PDE9A: variants seen among roughly 807,000 people sequenced by gnomAD.
PDE9A encodes the protein high affinity cGMP-specific 3',5'-cyclic phosphodiesterase 9A.
In PDE9A, 60 loss-of-function variants were observed where a neutral mutation model predicts 87.4. The observed-to-expected ratio is 0.69, with a 90% CI of 0.56 to 0.85. The LOEUF is 0.85. Ranked by LOEUF, PDE9A falls within the 40% of genes least tolerant of loss-of-function variation. The pLI, the probability that PDE9A is intolerant of heterozygous loss-of-function variation, is 0.00. For synonymous variants in PDE9A, 272 were observed against 279.4 expected, an observed-to-expected ratio of 0.97 and a Z score of 0.27; for missense variants, 665 against 779.0, an observed-to-expected ratio of 0.85 and a Z score of 1.74.
At position 42,695,945 on chromosome 21, in the gene PDE9A, C is replaced by T. The variant is rs371239629; in HGVS notation, c.219-3023C>T. On this transcript the variant is annotated intron_variant, in intron 3 of 19. Coordinates refer to ENST00000291539, the MANE Select transcript of PDE9A (RefSeq NM_002606.3). This position sits in a 1 kb window ranked among gnomAD's most constrained non-coding sequence, Gnocchi z 4.3. The stretch of plus-strand genomic sequence containing the variant: ...ACTGATCTTGAGTGGCCCAGAAATG[C>T]AACCCAAGGATCTTGGGCCCAAGGG... Among the ~76,000 whole-genome samples the T allele has an allele frequency of 1.3e-4, 20 of 152,206 alleles. No individual in the cohort carries two copies. The highest frequency in any genetic ancestry group is 4.6e-4 in the African/African-American group (19 of 41,452).
Position 42,671,153 on chromosome 21 carries a change from C to T in PDE9A, c.70-15039C>T, listed in dbSNP as rs1005560519. ...CCTGAGAGGAGCTTTAGGATAACTC[C>T]GGTGCTGGGGAGGTTGGGGCCCAGT... On this transcript the variant is annotated intron_variant, in intron 1 of 19. Transcript: ENST00000291539. Among the ~76,000 whole-genome samples the T allele has an allele frequency of 9.9e-5, 15 of 152,126 alleles. 1 individual carries two copies. In the East Asian group the frequency reaches 2.5e-3, roughly 25 times the overall value.
intron 8 of PDE9A, among the ~76,000 whole-genome samples, chr21:42,750,095 G>A (rs1484781989): frequency 2.0e-5 from 3 of 152,032 alleles, no homozygotes; most frequent in Non-Finnish European, 4.4e-5. Flanking sequence ...CAAAGATTGC[G>A]CCACTGCACT....
chr21:42,756,839 A>T (rs2055113301), intron 10 of PDE9A: 1 of 152,402 alleles, frequency 6.6e-6, no homozygotes, highest in African/African-American at 2.4e-5. Context: ...CTGCACGTGC[A>T]GCCACAGATG....
At chr21:42,755,332 G>T (rs1471589305) in intron 10 of PDE9A, among the ~76,000 whole-genome samples, 1 of 152,204 alleles carries the variant, frequency 6.6e-6, no homozygotes, top group Non-Finnish European at 1.5e-5. Flanking sequence ...CTTTTCATGT[G>T]CATGGTCTCC....
intron 4 of PDE9A, among the ~76,000 whole-genome samples, chr21:42,714,391 T>C (rs896336591): frequency 1.1e-4 from 17 of 152,222 alleles, no homozygotes; most frequent in African/African-American, 3.9e-4. Flanking sequence ...ACCCAGATGG[T>C]GAGCAGAGCC....
rs2050697971 is a variant in PDE9A, at chr21:42,723,108, G to C, written c.263-8662G>C. ...ACAGCTGCGTCCTGCCCAGGAATGAGGCTGGCAGCCCATAGGCCCCTCCTT... is the reference window on the plus strand; with the variant it reads ...ACAGCTGCGTCCTGCCCAGGAATGACGCTGGCAGCCCATAGGCCCCTCCTT... On this transcript the variant is annotated intron_variant, in intron 4 of 19. Coordinates refer to ENST00000291539, the MANE Select transcript of PDE9A (RefSeq NM_002606.3). The surrounding 1 kb of genome is among the most constrained non-coding windows in gnomAD (Gnocchi z 4.3). 2.0e-5 allele frequency among the ~76,000 whole-genome samples: 3 copies of C among 152,260 alleles called. No homozygotes were observed. In the South Asian group the frequency reaches 6.2e-4, roughly 32 times the overall value.
At position 42,759,414 on chromosome 21, in the gene PDE9A, T is replaced by A. The variant is rs1569260398; in HGVS notation, c.897+329T>A. ...GTGTGTGTGGGAGCGTGTGTGTGTG[T>A]GAGAGTGAGTATGGGGGTGTGGATG... On this transcript the variant is annotated intron_variant, in intron 11 of 19. Transcript: ENST00000291539. The surrounding 1 kb of genome is among the most constrained non-coding windows in gnomAD (Gnocchi z 7.2). Among the ~76,000 whole-genome samples, 2 of 148,420 alleles carry A rather than the reference T, an allele frequency of 1.3e-5. No homozygotes were observed. Among genetic ancestry groups the A allele is most frequent in the South Asian group, 2.1e-4 (1 of 4,694 alleles).
chr21:42,707,913 G>A (rs2048972375), intron 4 of PDE9A, among the ~76,000 whole-genome samples: 1 of 152,104 alleles, frequency 6.6e-6, no homozygotes, highest in South Asian at 2.1e-4. Context: ...AATGACTTAG[G>A]GGGCATTTTT....
chr21:42,746,068 C>T (rs2053817016), intron 8 of PDE9A, among the ~76,000 whole-genome samples: 1 of 152,232 alleles, frequency 6.6e-6, no homozygotes, highest in Non-Finnish European at 1.5e-5. Context: ...GCATTTACCG[C>T]CCACCTACAG....
At chr21:42,767,746 G>A (rs570354512) in intron 15 of PDE9A, among the ~76,000 whole-genome samples, 25 of 152,304 alleles carry the variant, frequency 1.6e-4, no homozygotes, top group African/African-American at 5.8e-4. Flanking sequence ...TCCACCTCTT[G>A]TCCTATGGCG....
At chr21:42,730,325 A>C (rs2051592232) in intron 4 of PDE9A, among the ~76,000 whole-genome samples, 1 of 152,228 alleles carries the variant, frequency 6.6e-6, no homozygotes, top group Non-Finnish European at 1.5e-5. Flanking sequence ...TCTTCTTCTT[A>C]TCAAGTCATA....
chr21:42,681,089 T>C lies in PDE9A; in HGVS notation c.70-5103T>C, dbSNP rs563718290. On this transcript the variant is annotated intron_variant, in intron 1 of 19. Transcript: ENST00000291539. ...AAACCAGTAGTGTTTTGTGTAATTCTTTTCAAACCTGTCATTTCACTTACT... is the reference window on the plus strand; with the variant it reads ...AAACCAGTAGTGTTTTGTGTAATTCCTTTCAAACCTGTCATTTCACTTACT... 2.0e-5 allele frequency among the ~76,000 whole-genome samples: 3 copies of C among 152,342 alleles called. No homozygotes were observed. The East Asian group carries it at 5.8e-4, about 29-fold the overall frequency.
chr21:42,734,365 A>G (rs958955303), intron 7 of PDE9A: 2 of 152,240 alleles, frequency 1.3e-5, no homozygotes, highest in African/African-American at 4.8e-5. Context: ...TATCAAGATC[A>G]ATGCTTGAAT....
chr21:42,738,874 A>G (rs1386398152), intron 7 of PDE9A, among the ~76,000 whole-genome samples: 1 of 152,018 alleles, frequency 6.6e-6, no homozygotes, highest in Non-Finnish European at 1.5e-5. Flanking sequence ...TTTAGTGGAG[A>G]CGGGGTTTCA....
In PDE9A at chr21:42,775,418, TCA is replaced by T. The variant is rs2057413902; in HGVS notation, c.*127_*128del. The T allele has an allele frequency of 1.5e-6, 1 of 681,776 alleles. No homozygotes were observed. Among genetic ancestry groups the T allele is most frequent in the African/African-American group, 1.9e-5 (1 of 53,214 alleles). 42.2% of individuals were successfully genotyped at this position (681,776 alleles called of 1,614,324 possible). A position where few individuals can be genotyped will look rare whatever the true frequency, so the allele number is the denominator to read the frequency against. On this transcript the variant is annotated 3_prime_UTR_variant, in exon 20 of 20. Transcript: ENST00000291539. ...CCATGTTTTCTAAGAACCATTTTGT[TCA>T]CTGATACAAAAAAAAAAAAAGGAAT...
rs1246828424 is a variant in PDE9A, at chr21:42,726,620, A to ATTTTTTTTTTTTT, written c.263-5149_263-5148insTTTTTTTTTTTTT. Among the ~76,000 whole-genome samples, 5 of 24,238 alleles carry ATTTTTTTTTTTTT rather than the reference A, an allele frequency of 2.1e-4. 1 individual carries two copies. Among genetic ancestry groups the ATTTTTTTTTTTTT allele is most frequent in the East Asian group, 4.0e-3 (2 of 500 alleles). 15.9% of individuals were successfully genotyped at this position (24,238 alleles called of 152,430 possible). ...TATATATATATATATATATATATATATATATTTTTTTTTTTTTTTTTGTAG... is the reference window on the plus strand; with the variant it reads ...TATATATATATATATATATATATATATTTTTTTTTTTTTTATATTTTTTTTTTTTTTTTTGTAG... On this transcript the variant is annotated intron_variant, in intron 4 of 19. Transcript: ENST00000291539.
intron 7 of PDE9A, among the ~76,000 whole-genome samples, chr21:42,740,701 G>GTGA (rs1491149717): frequency 6.5e-5 from 8 of 122,616 alleles, no homozygotes; most frequent in South Asian, 2.8e-4. Context: ...AGGTAGGTAG[G>GTGA]TAGTAGATAG....
chr21:42,738,815 A>G (rs2052769250), intron 7 of PDE9A, among the ~76,000 whole-genome samples: 1 of 152,086 alleles, frequency 6.6e-6, no homozygotes, highest in Non-Finnish European at 1.5e-5. Context: ...CCCCCAGAGT[A>G]GCTGGAATTA....
At chr21:42,654,745 C>A (rs112493374) in intron 1 of PDE9A, among the ~76,000 whole-genome samples, 8,239 of 152,244 alleles carry the variant, frequency 0.054, 309 homozygotes, top group Middle Eastern at 0.1. Context: ...TTGAGTCTTT[C>A]CTGTTCCCAG....
Sources: allele counts gnomAD v4.1 joint callset (sites outside exome capture counted in the v4.1 genomes callset), GRCh38; gene constraint gnomAD v4.1.1; non-coding constraint Gnocchi (gnomAD v3.1); transcripts MANE v1.5; gene names NCBI Gene and HGNC (gene_info 2026-07-23, HGNC 2026-07-21).